GSE1: variants seen among roughly 807,000 people sequenced by gnomAD.
GSE1 encodes genetic suppressor element 1.
GSE1 carries 32 observed loss-of-function variants against 112.6 expected under a neutral mutation model. The observed-to-expected ratio is 0.28, with a 90% CI of 0.21 to 0.38. The LOEUF (loss-of-function observed/expected upper bound fraction) is 0.38. Ranked by LOEUF, GSE1 falls within the 10% of genes least tolerant of loss-of-function variation. GSE1 has a pLI of 1.00. For synonymous variants in GSE1, 1,115 were observed against 735.6 expected (o/e 1.52, Z -8.35); for missense variants, 2,348 against 1,699.2 (o/e 1.38, Z -6.71).
chr16:85,239,367 G>A (rs1180598059), intron 1 of GSE1, among the ~76,000 whole-genome samples: 2 of 152,242 alleles, frequency 1.3e-5, no homozygotes, highest in Non-Finnish European at 2.9e-5. Flanking sequence ...CAGGTGTGAG[G>A]CAGGGCATGT....
intron 1 of GSE1, among the ~76,000 whole-genome samples, chr16:85,563,561 C>T (rs923998114): frequency 2.6e-5 from 4 of 152,166 alleles, no homozygotes; most frequent in Non-Finnish European, 5.9e-5. Flanking sequence ...CAGGTCTTAT[C>T]TCCAGAGGGT....
intron 2 of GSE1, among the ~76,000 whole-genome samples, chr16:85,544,097 A>G (rs572794398): frequency 2.0e-4 from 30 of 152,006 alleles, no homozygotes; most frequent in Non-Finnish European, 4.4e-4. Context: ...GGCTTCCCAC[A>G]GTGTTGGGAT....
At chr16:85,634,306 C>T (rs1278483118) in intron 2 of GSE1, among the ~76,000 whole-genome samples, 174 bp downstream of exon 2, 2 of 152,256 alleles carry the variant, frequency 1.3e-5, no homozygotes, top group African/African-American at 4.8e-5. Flanking sequence ...GTCCGCCTGC[C>T]CCAGCACCTC....
At chr16:85,388,086 G>GGATA (rs2047731981) in intron 2 of GSE1, among the ~76,000 whole-genome samples, 1 of 150,148 alleles carries the variant, frequency 6.7e-6, no homozygotes, top group Non-Finnish European at 1.5e-5. Context: ...GTGGATGGAT[G>GGATA]GATGGATGGA....
intron 1 of GSE1, among the ~76,000 whole-genome samples, chr16:85,292,288 G>A (rs769989864): frequency 3.3e-5 from 5 of 149,754 alleles, no homozygotes; most frequent in Non-Finnish European, 5.9e-5. Flanking sequence ...ACAGGTGCAC[G>A]CCACCATGCC....
chr16:85,215,171 T>G (rs547961760), intron 1 of GSE1, among the ~76,000 whole-genome samples: 11 of 152,304 alleles, frequency 7.2e-5, no homozygotes, highest in African/African-American at 1.9e-4. Context: ...TGGAGTCAGA[T>G]CCCTGCTCCT....
intron 2 of GSE1, among the ~76,000 whole-genome samples, chr16:85,388,322 G>GAATGAATGGATGTATGGCTGGGTA (rs2047744154): frequency 1.1e-4 from 10 of 94,062 alleles, no homozygotes; most frequent in Non-Finnish European, 2.1e-4. Context: ...ATGGATGGAT[G>GAATGAATGGATGTATGGCTGGGTA]GATGGATGAA....
intron 2 of GSE1, among the ~76,000 whole-genome samples, chr16:85,488,433 G>T (rs1360201804): frequency 6.6e-6 from 1 of 152,098 alleles, no homozygotes; most frequent in Non-Finnish European, 1.5e-5. Context: ...AGCCTACGGG[G>T]CTCTCTGCAT....
At chr16:85,416,855 G>T (rs1045859578) in intron 2 of GSE1, among the ~76,000 whole-genome samples, 1 of 152,096 alleles carries the variant, frequency 6.6e-6, no homozygotes, top group Non-Finnish European at 1.5e-5. Context: ...TTGTTTGTTT[G>T]TTTGTTTTTT....
chr16:85,184,768 A>G (rs2074665428), intron 1 of GSE1, among the ~76,000 whole-genome samples: 1 of 152,198 alleles, frequency 6.6e-6, no homozygotes, highest in Non-Finnish European at 1.5e-5. Context: ...CTATCTTAAT[A>G]TCTTATGGTT....
At chr16:85,479,926 C>T (rs937831444) in intron 2 of GSE1, among the ~76,000 whole-genome samples, 5 of 152,160 alleles carry the variant, frequency 3.3e-5, no homozygotes, top group Non-Finnish European at 5.9e-5. Context: ...CCTCAAAGCT[C>T]TCCATGCCTG....
intron 1 of GSE1, among the ~76,000 whole-genome samples, chr16:85,179,021 G>A (rs908539931): frequency 2.6e-5 from 4 of 152,114 alleles, no homozygotes; most frequent in East Asian, 1.9e-4. Context: ...TTCACACACC[G>A]TGAAAGTCAC....
intron 1 of GSE1, among the ~76,000 whole-genome samples, chr16:85,621,183 T>C (rs532608566): frequency 4.4e-4 from 67 of 152,076 alleles, no homozygotes; most frequent in African/African-American, 1.6e-3. Flanking sequence ...TCTGCACTGT[T>C]GGGGAACCCG....
chr16:85,600,777 G>A (rs73271219), intron 1 of GSE1, among the ~76,000 whole-genome samples: 5,009 of 152,222 alleles, frequency 0.033, 269 homozygotes, highest in African/African-American at 0.11. Flanking sequence ...AGGACAAGAC[G>A]GCATGGTGCG....
intron 1 of GSE1, among the ~76,000 whole-genome samples, chr16:85,630,511 G>A (rs117854425): frequency 1.2e-3 from 183 of 152,282 alleles, no homozygotes; most frequent in East Asian, 4.6e-3. Context: ...TACAGAGACA[G>A]CGTCTATGCT....
At chr16:85,475,447 C>T (rs938211375) in intron 2 of GSE1, among the ~76,000 whole-genome samples, 1 of 152,244 alleles carries the variant, frequency 6.6e-6, no homozygotes, top group African/African-American at 2.4e-5. Flanking sequence ...CTGAAGCAGG[C>T]AAGGGCAGGC....
intron 2 of GSE1, among the ~76,000 whole-genome samples, chr16:85,465,692 A>G (rs2050103924): frequency 6.6e-6 from 1 of 151,982 alleles, no homozygotes; most frequent in Non-Finnish European, 1.5e-5. Context: ...CTGCCTCCTC[A>G]TGGTCTATGT....
At position 85,671,068 on chromosome 16, in the gene GSE1, G is replaced by C; in HGVS notation, c.3489G>C (p.Leu1163=). ...RLEARHYSLS[L]TAEQLSHSVA... ...AGGCCCGGCACTACAGCCTCAGCCT[G>C]ACGGCAGAGCAGCTCTCCCACAGCG... Residue 1163 remains leucine (L), a synonymous_variant, in exon 15 of 16, where the codon CTG becomes CTC. Transcript: ENST00000253458. 1 of 1,609,624 alleles carries C rather than the reference G, an allele frequency of 6.2e-7. No individual in the cohort carries two copies. The highest frequency in any genetic ancestry group is 8.5e-7 in the Non-Finnish European group (1 of 1,175,988).
At chr16:85,592,992 T>G (rs766199321) in intron 1 of GSE1, 6 of 152,326 alleles carry the variant, frequency 3.9e-5, no homozygotes, top group Non-Finnish European at 7.3e-5. Context: ...TCTGGGAGAC[T>G]TGGATTGCAT....
Sources: allele counts gnomAD v4.1 joint callset (sites outside exome capture counted in the v4.1 genomes callset), GRCh38; gene constraint gnomAD v4.1.1; transcripts MANE v1.5; gene names NCBI Gene and HGNC (gene_info 2026-07-23, HGNC 2026-07-21).